ZKSCAN3: variants seen among roughly 807,000 people sequenced by gnomAD.
ZKSCAN3 encodes zinc finger with KRAB and SCAN domains 3, also known as zinc finger protein with KRAB and SCAN domains 3.
Under a neutral mutation model 30.7 loss-of-function variants are expected in ZKSCAN3, and 21 were observed. The ratio of observed to expected loss-of-function variants is 0.68; its 90% CI spans 0.49 to 0.99. The LOEUF is 0.99. Ranked by LOEUF, ZKSCAN3 falls within the 50% of genes least tolerant of loss-of-function variation. The pLI is 0.00. For synonymous variants in ZKSCAN3, 201 were observed against 246.7 expected, an observed-to-expected ratio of 0.81 and a Z score of 1.73; for missense variants, 507 against 647.1, an observed-to-expected ratio of 0.78 and a Z score of 2.35.
intron 1 of ZKSCAN3, among the ~76,000 whole-genome samples, chr6:28,352,625 G>A (rs1464996380): frequency 6.6e-6 from 1 of 152,210 alleles, no homozygotes; most frequent in Non-Finnish European, 1.5e-5. Context: ...AACAAAGTTT[G>A]AAAGCCTTTA....
chr6:28,361,282 G>A (rs1765757721), intron 2 of ZKSCAN3, 42 bp from the exon 3 acceptor site: 2 of 1,602,998 alleles, frequency 1.2e-6, no homozygotes, highest in Non-Finnish European at 1.7e-6. Flanking sequence ...TTCTATGGAA[G>A]TGTTTGATGA....
Position 28,366,021 on chromosome 6 carries a change from T to TA in ZKSCAN3, c.1358dup (p.Asn453LysfsTer6). The stretch of plus-strand genomic sequence containing the variant: ...GACATCAGAGGATCCATACTGGGGA[T>TA]AAAAATGTTCAGGAACCTGAGCAGG... On this transcript the variant is annotated frameshift_variant, in exon 6 of 6. Transcript: ENST00000252211. LOFTEE classifies it low-confidence loss of function (END_TRUNC). The TA allele has an allele frequency of 6.2e-7, 1 of 1,613,086 alleles. No individual in the cohort carries two copies. The highest frequency in any genetic ancestry group is 1.1e-5 in the South Asian group (1 of 90,912).
intron 1 of ZKSCAN3, among the ~76,000 whole-genome samples, chr6:28,354,519 A>G (rs6903823): frequency 0.26 from 39,517 of 152,140 alleles, 5,855 homozygotes; most frequent in African/African-American, 0.4. Context: ...GGCTTGACAC[A>G]TAAGTCTGAC....
At position 28,366,298 on chromosome 6, in the gene ZKSCAN3, A is replaced by T; in HGVS notation, c.*13A>T. 6.7e-7 allele frequency: 1 copy of T among 1,491,644 alleles called. No individual in the cohort carries two copies. Among genetic ancestry groups the T allele is most frequent in the Admixed American group, 2.4e-5 (1 of 42,038 alleles). 92.4% of individuals were successfully genotyped at this position (1,491,644 alleles called of 1,614,324 possible). On this transcript the variant is annotated 3_prime_UTR_variant, in exon 6 of 6. Transcript: ENST00000252211. ...CCTATCACAGTGACCCATGCCATAC[A>T]TGCCAGAGTTGGTGCTCATTTGTCA... is the stretch of plus-strand genomic sequence containing the variant.
chr6:28,353,457 C>T (rs1765195734), intron 1 of ZKSCAN3: 1 of 161,732 alleles, frequency 6.2e-6, no homozygotes, highest in Non-Finnish European at 1.4e-5. Flanking sequence ...GATAGGCTCT[C>T]TTTCAGAATA....
At chr6:28,355,636 C>T (rs1005158334) in intron 1 of ZKSCAN3, 2 of 152,262 alleles carry the variant, frequency 1.3e-5, no homozygotes, top group African/African-American at 2.4e-5. Context: ...GCCGCATCAT[C>T]CCAATTCCAG....
intron 2 of ZKSCAN3, chr6:28,360,609 G>T: frequency 2.1e-6 from 2 of 970,416 alleles, no homozygotes; most frequent in Non-Finnish European, 2.4e-6. Context: ...ATGAGACTGT[G>T]TCCTCTTTGC....
intron 5 of ZKSCAN3, among the ~76,000 whole-genome samples, chr6:28,364,677 A>C (rs1325810472): frequency 6.6e-6 from 1 of 152,114 alleles, no homozygotes; most frequent in East Asian, 1.9e-4. Flanking sequence ...TCTTTATCGT[A>C]TCATTGATCA....
chr6:28,360,218 GT>G, intron 2 of ZKSCAN3: 3 of 720,506 alleles, frequency 4.2e-6, no homozygotes, highest in Non-Finnish European at 6.6e-6. Context: ...TCAACATACA[GT>G]TTGCAAAGTA....
In ZKSCAN3 at chr6:28,359,922, G is replaced by A. The variant is rs746550025; in HGVS notation, c.336G>A (p.Glu112=). The A allele has an allele frequency of 9.9e-6, 16 of 1,614,020 alleles. No homozygotes were observed. The South Asian group carries it at 1.8e-4, about 18-fold the overall frequency. Residue 112 remains glutamate, a synonymous_variant, in exon 2 of 6, where the codon GAG becomes GAA. Coordinates refer to ENST00000252211, the MANE Select transcript of ZKSCAN3 (RefSeq NM_024493.4). The stretch of plus-strand genomic sequence containing the variant: ...GCTGGGTGCGGGAGCAGCATCCAGA[G>A]AGCGGGGAGGAGGTGGTGGTGCTAT... ...LQSWVREQHP[E]SGEEVVVLLE... is the part of the protein sequence containing the mutation.
At position 28,354,217 on chromosome 6, in the gene ZKSCAN3, G is replaced by A. The variant is rs574947272; in HGVS notation, c.-63+4150G>A. 2.4e-3 allele frequency: 760 copies of A among 311,108 alleles called. 7 individuals carry two copies. Among genetic ancestry groups the A allele is most frequent in the African/African-American group, 0.014 (646 of 46,360 alleles). The allele number at this position is 311,108 out of a possible 1,614,324, so 19.3% of individuals were successfully genotyped here. ...TCTGGGCACAAGTCCTATGTACAGT[G>A]TCAGCAGGGCAATTATACCATTTAC... On this transcript the variant is annotated intron_variant, in intron 1 of 5. Transcript: ENST00000252211.
In ZKSCAN3 at chr6:28,366,173, A is replaced by T. The variant is rs1219675612; in HGVS notation, c.1505A>T (p.His502Leu). Residue 502 changes from histidine to leucine, a missense_variant, in exon 6 of 6, where the codon CAC becomes CTC. Transcript: ENST00000252211. ...NTGLIEHQKI[H>L]TGEKPYQCNA... ...GGCCTCATTGAACATCAAAAAATCC[A>T]CACTGGTGAGAAACCCTATCAGTGT... 6.2e-7 allele frequency: 1 copy of T among 1,610,792 alleles called. No individual in the cohort carries two copies. Among genetic ancestry groups the T allele is most frequent in the South Asian group, 1.1e-5 (1 of 90,672 alleles).
chr6:28,363,224 A>G lies in ZKSCAN3; in HGVS notation c.551-79A>G, dbSNP rs1280573454. 24 of 1,250,354 alleles carry G rather than the reference A, an allele frequency of 1.9e-5. No homozygotes were observed. The Admixed American group carries it at 4.2e-4, about 22-fold the overall frequency. The allele number at this position is 1,250,354 out of a possible 1,614,324, so 77.5% of individuals were successfully genotyped here. A position where few individuals can be genotyped will look rare whatever the true frequency, so the allele number is the denominator to read the frequency against. On this transcript the variant is annotated intron_variant, in intron 3 of 5. Transcript: ENST00000252211. Reference sequence around the variant, plus strand: ...AAGTGAGACAGGAATCTATTAATCCAGTTATTTAACTTAGATTGCACAGGG... The same window carrying G: ...AAGTGAGACAGGAATCTATTAATCCGGTTATTTAACTTAGATTGCACAGGG...
chr6:28,356,014 G>C (rs1358616955), intron 1 of ZKSCAN3: 1 of 152,254 alleles, frequency 6.6e-6, no homozygotes, highest in African/African-American at 2.4e-5. Context: ...CCGATGCCGA[G>C]GTCCAAAGAT....
At position 28,361,346 on chromosome 6, in the gene ZKSCAN3, A is replaced by C; in HGVS notation, c.425A>C (p.Gln142Pro). 1 of 1,613,278 alleles carries C rather than the reference A, an allele frequency of 6.2e-7. No individual in the cohort carries two copies. Among genetic ancestry groups the C allele is most frequent in the Middle Eastern group, 1.7e-4 (1 of 6,060 alleles). ...APQVSGVDQGQELLCCKMALL... is the reference protein window; with the variant it reads ...APQVSGVDQGPELLCCKMALL... ...TAGGTTTCAGGTGTTGACCAGGGGC[A>C]AGAACTGCTCTGTTGCAAGATGGCA... Residue 142 changes from glutamine to proline, a missense_variant, in exon 3 of 6, where the codon CAA becomes CCA. Physicochemically the swap from Gln to Pro is moderately conservative, Grantham distance 76. Coordinates refer to ENST00000252211, the MANE Select transcript of ZKSCAN3 (RefSeq NM_024493.4).
chr6:28,364,766 C>T (rs1354241445), intron 5 of ZKSCAN3, among the ~76,000 whole-genome samples: 2 of 152,054 alleles, frequency 1.3e-5, no homozygotes, highest in African/African-American at 2.4e-5. Flanking sequence ...CTCACTCTGT[C>T]GCCCAGGCTG....
rs530050798 is a variant in ZKSCAN3, at chr6:28,353,071, C to T, written c.-63+3004C>T. 7.1e-4 allele frequency among the ~76,000 whole-genome samples: 107 copies of T among 151,084 alleles called. 2 individuals are homozygous for T. Among genetic ancestry groups the T allele is most frequent in the African/African-American group, 2.4e-3 (97 of 41,126 alleles). On this transcript the variant is annotated intron_variant, in intron 1 of 5. Coordinates refer to ENST00000252211, the MANE Select transcript of ZKSCAN3 (RefSeq NM_024493.4). ...GCAACCTCCGCCTTCCGGGTTCAAG[C>T]GATTCTCCTGCCTCAGCCTCCCAAG...
In ZKSCAN3 at chr6:28,366,562, G is replaced by A. The variant is rs1765976444; in HGVS notation, c.*277G>A. On this transcript the variant is annotated 3_prime_UTR_variant, in exon 6 of 6. Coordinates refer to ENST00000252211, the MANE Select transcript of ZKSCAN3 (RefSeq NM_024493.4). ...CCCACTAGAATTAAATGGATGTTTA[G>A]ACTGGCTACTTGCCCTAAACCAGCA... 3.7e-6 allele frequency: 1 copy of A among 269,304 alleles called. No homozygotes were observed. 16.7% of individuals were successfully genotyped at this position (269,304 alleles called of 1,614,324 possible). A position where few individuals can be genotyped will look rare whatever the true frequency, so the allele number is the denominator to read the frequency against.
intron 1 of ZKSCAN3, chr6:28,353,213 C>T (rs2113895284): frequency 6.5e-6 from 1 of 152,738 alleles, no homozygotes; most frequent in East Asian, 1.9e-4. Context: ...ATGATGTGCC[C>T]ACCTCAGCCT....
Sources: gnomAD v4.1 joint callset for allele counts (sites outside exome capture counted in the v4.1 genomes callset) on GRCh38, gnomAD v4.1.1 for gene constraint, MANE v1.5 for transcripts, NCBI Gene and HGNC (gene_info 2026-07-23, HGNC 2026-07-21) for gene names.